NOPCHAP1: variants seen among roughly 807,000 people sequenced by gnomAD.
NOPCHAP1 encodes the protein DNA damage-sensitive RNA 1.
A neutral mutation model predicts 14.0 loss-of-function variants in NOPCHAP1; 13 were observed. The ratio of observed to expected loss-of-function variants is 0.93; its 90% CI spans 0.60 to 1.47. The LOEUF is 1.47. Ranked by LOEUF, NOPCHAP1 falls within the 40% of genes most tolerant of loss-of-function variation. NOPCHAP1 has a pLI of 0.00. For synonymous variants in NOPCHAP1, 78 were observed against 78.4 expected (o/e 1.00, Z 0.03); for missense variants, 230 against 226.9 (o/e 1.01, Z -0.09).
intron 3 of NOPCHAP1, among the ~76,000 whole-genome samples, chr12:104,992,745 G>A (rs764435246): frequency 2.0e-5 from 3 of 152,268 alleles, no homozygotes; most frequent in Non-Finnish European, 2.9e-5. Flanking sequence ...CAAAAGGAGC[G>A]TGAACCCTAT....
rs1042295255 is a variant in NOPCHAP1 at position 105,009,320 on chromosome 12, A to G, written c.*14624A>G. 2.0e-5 allele frequency: 3 copies of G among 152,184 alleles called. No individual in the cohort carries two copies. The highest frequency in any genetic ancestry group is 7.2e-5 in the African/African-American group (3 of 41,442). 9.4% of individuals were successfully genotyped at this position (152,184 alleles called of 1,614,324 possible). ...GTGATTTTTTGCACATTGATTTTGT[A>G]TCCTGAGACTTTTGCTGAAATTGCT... On this transcript the variant is annotated 3_prime_UTR_variant, in exon 4 of 4. Coordinates refer to ENST00000552951, the MANE Select transcript of NOPCHAP1 (RefSeq NM_152318.3).
chr12:104,986,328 C>T lies in NOPCHAP1; in HGVS notation c.-25C>T, dbSNP rs1334667761. On this transcript the variant is annotated 5_prime_UTR_variant, in exon 1 of 4. Transcript: ENST00000552951. ...CCGAGCCTTTTTCCTGCATCCGGGC[C>T]TGAGAGTGCAGGCTTGAGGGAAGCA... is the stretch of plus-strand genomic sequence containing the variant. 15 of 1,582,044 alleles carry T rather than the reference C, an allele frequency of 9.5e-6. No homozygotes were observed. The highest frequency in any genetic ancestry group is 1.3e-5 in the African/African-American group (1 of 74,140).
Position 105,010,165 on chromosome 12 carries a change from AT to A in NOPCHAP1, c.*15471del, listed in dbSNP as rs1873787357. ...GAACTTGTTATTGGTCTATTCAGGGATTCAACGTTTTCCTGGTTTAATCTTG... is the reference window on the plus strand; with the variant it reads ...GAACTTGTTATTGGTCTATTCAGGGATCAACGTTTTCCTGGTTTAATCTTG... On this transcript the variant is annotated 3_prime_UTR_variant, in exon 4 of 4. Coordinates refer to ENST00000552951, the MANE Select transcript of NOPCHAP1 (RefSeq NM_152318.3). 6.6e-6 allele frequency: 1 copy of A among 152,100 alleles called. No homozygotes were observed. Among genetic ancestry groups the A allele is most frequent in the Non-Finnish European group, 1.5e-5 (1 of 68,022 alleles). The allele number at this position is 152,100 out of a possible 1,614,324, so 9.4% of individuals were successfully genotyped here. A position where few individuals can be genotyped will look rare whatever the true frequency, so the allele number is the denominator to read the frequency against.
intron 1 of NOPCHAP1, among the ~76,000 whole-genome samples, chr12:104,987,047 C>T (rs1278958742): frequency 6.6e-6 from 1 of 152,174 alleles, no homozygotes; most frequent in Non-Finnish European, 1.5e-5. Flanking sequence ...TATTTTCATT[C>T]CCTAAGCCTC....
intron 1 of NOPCHAP1, among the ~76,000 whole-genome samples, chr12:104,986,945 A>G (rs1043289027): frequency 6.6e-5 from 10 of 152,166 alleles, no homozygotes; most frequent in African/African-American, 2.4e-4. Context: ...CATCCAGGAA[A>G]TCCACACAGC....
chr12:105,006,654 T>C lies in NOPCHAP1; in HGVS notation c.*11958T>C, dbSNP rs1873715637. On this transcript the variant is annotated 3_prime_UTR_variant, in exon 4 of 4. Transcript: ENST00000552951. Reference sequence around the variant, plus strand: ...CCAGGCTCAGGGGTTAGCAGCCTTATAGATAAGGGCAGTCCTGATCATAAA... The same window carrying C: ...CCAGGCTCAGGGGTTAGCAGCCTTACAGATAAGGGCAGTCCTGATCATAAA... The C allele has an allele frequency of 6.6e-6, 1 of 152,234 alleles. No individual in the cohort carries two copies. The highest frequency in any genetic ancestry group is 1.5e-5 in the Non-Finnish European group (1 of 68,054). 9.4% of individuals were successfully genotyped at this position (152,234 alleles called of 1,614,324 possible).
chr12:104,994,340 C>G lies in NOPCHAP1; in HGVS notation c.340-138C>G, dbSNP rs996055525. 5.1e-6 allele frequency: 4 copies of G among 787,464 alleles called. No individual in the cohort carries two copies. The African/African-American group carries it at 5.1e-5, about 10-fold the overall frequency. The allele number at this position is 787,464 out of a possible 1,614,324, so 48.8% of individuals were successfully genotyped here. A position where few individuals can be genotyped will look rare whatever the true frequency, so the allele number is the denominator to read the frequency against. On this transcript the variant is annotated intron_variant, in intron 3 of 3. Transcript: ENST00000552951. ...CCAGTCTGGGCAGCAGAGCAAGACT[C>G]TGTCTCCAAAAAAAACCAAATTCTT...
chr12:105,000,041 A>G lies in NOPCHAP1; in HGVS notation c.*5345A>G, dbSNP rs1399426175. On this transcript the variant is annotated 3_prime_UTR_variant, in exon 4 of 4. Transcript: ENST00000552951. ...CTTGCCTCCAACCTGTTCCCTTTAT[A>G]GCATAATGTGTATAACCACATTTAG... is the stretch of plus-strand genomic sequence containing the variant. The G allele has an allele frequency of 6.6e-6, 1 of 152,146 alleles. No homozygotes were observed. Among genetic ancestry groups the G allele is most frequent in the Non-Finnish European group, 1.5e-5 (1 of 68,034 alleles). The allele number at this position is 152,146 out of a possible 1,614,324, so 9.4% of individuals were successfully genotyped here. A position where few individuals can be genotyped will look rare whatever the true frequency, so the allele number is the denominator to read the frequency against.
In NOPCHAP1 at chr12:105,008,897, A is replaced by G. The variant is rs1461412419; in HGVS notation, c.*14201A>G. On this transcript the variant is annotated 3_prime_UTR_variant, in exon 4 of 4. Coordinates refer to ENST00000552951, the MANE Select transcript of NOPCHAP1 (RefSeq NM_152318.3). ...TTTGGTTACTATAGCCTTGTAGTAT[A>G]GTTTGAAGTCAGGTAGCGTGATTCC... 6.6e-6 allele frequency: 1 copy of G among 152,178 alleles called. No homozygotes were observed. The highest frequency in any genetic ancestry group is 1.5e-5 in the Non-Finnish European group (1 of 68,040). The allele number at this position is 152,178 out of a possible 1,614,324, so 9.4% of individuals were successfully genotyped here. A position where few individuals can be genotyped will look rare whatever the true frequency, so the allele number is the denominator to read the frequency against.
intron 1 of NOPCHAP1, 100 bp from the exon 2 acceptor site, chr12:104,988,067 C>T (rs1029795432): frequency 9.5e-6 from 8 of 845,234 alleles, no homozygotes; most frequent in Non-Finnish European, 1.5e-5. Flanking sequence ...GGAGTGTGGA[C>T]AGTCAAGTCT....
At chr12:104,993,951 C>T (rs750893945) in intron 3 of NOPCHAP1, among the ~76,000 whole-genome samples, 10 of 151,920 alleles carry the variant, frequency 6.6e-5, no homozygotes, top group Non-Finnish European at 7.4e-5. Context: ...AGAATTGGGC[C>T]GTAGCAGATA....
rs576377293 is a variant in NOPCHAP1, at chr12:105,017,214, A to G, written c.*22518A>G. The G allele has an allele frequency of 6.6e-6, 1 of 152,362 alleles. No homozygotes were observed. The highest frequency in any genetic ancestry group is 2.1e-4 in the South Asian group (1 of 4,824). The allele number at this position is 152,362 out of a possible 1,614,324, so 9.4% of individuals were successfully genotyped here. A position where few individuals can be genotyped will look rare whatever the true frequency, so the allele number is the denominator to read the frequency against. Reference sequence around the variant, plus strand: ...CCATGACCGTGATAAGAAATGTAAGAAAAGGCCAGGCATGGTGGCTCACAC... The same window carrying G: ...CCATGACCGTGATAAGAAATGTAAGGAAAGGCCAGGCATGGTGGCTCACAC... On this transcript the variant is annotated 3_prime_UTR_variant, in exon 4 of 4. Coordinates refer to ENST00000552951, the MANE Select transcript of NOPCHAP1 (RefSeq NM_152318.3).
rs1283003969 is a variant in NOPCHAP1, at chr12:104,988,245, G to A, written c.194G>A (p.Arg65Lys). 2.5e-6 allele frequency: 4 copies of A among 1,609,990 alleles called. No individual in the cohort carries two copies. Among genetic ancestry groups the A allele is most frequent in the Non-Finnish European group, 2.5e-6 (3 of 1,177,084 alleles). ...ACTCTTCAAACAGTTCGGATAGAGA[G>A]GAGTCCCTGTAAGTACCTCTTCCCC... is the stretch of plus-strand genomic sequence containing the variant. ...TSTLQTVRIE[R>K]SPLLDQVQTF... The change falls in exon 2 of 4, where the codon AGG (arginine) becomes AAG (lysine). Residue 65 changes from arginine (R) to lysine (K), a missense_variant. By Grantham distance (26) the Arg-to-Lys change is conservative. Coordinates refer to ENST00000552951, the MANE Select transcript of NOPCHAP1 (RefSeq NM_152318.3).
rs1369187264 is a variant in NOPCHAP1, at chr12:105,017,091, T to A, written c.*22395T>A. ...AAGCAAAAATCTCATTCTGAATAAATCTCCCATCTGTTCCAATAACATTTT... is the reference window on the plus strand; with the variant it reads ...AAGCAAAAATCTCATTCTGAATAAAACTCCCATCTGTTCCAATAACATTTT... On this transcript the variant is annotated 3_prime_UTR_variant, in exon 4 of 4. Transcript: ENST00000552951. 6.6e-6 allele frequency: 1 copy of A among 152,166 alleles called. No homozygotes were observed. The highest frequency in any genetic ancestry group is 6.5e-5 in the Admixed American group (1 of 15,274). 9.4% of individuals were successfully genotyped at this position (152,166 alleles called of 1,614,324 possible).
rs200682183 is a variant in NOPCHAP1 at position 104,994,455 on chromosome 12, T to A, written c.340-23T>A. 2.2e-3 allele frequency: 3,441 copies of A among 1,599,978 alleles called. 15 individuals are homozygous for A. The highest frequency in any genetic ancestry group is 2.5e-3 in the Non-Finnish European group (2,951 of 1,167,190). On this transcript the variant is annotated intron_variant, in intron 3 of 3. Transcript: ENST00000552951. ...TTTAAGGAACTGCTCTGAAATAGAT[T>A]TCCTGTCCACTACTTTTTGCAGGAT... is the stretch of plus-strand genomic sequence containing the variant.
rs1261439934 is a variant in NOPCHAP1, at chr12:105,012,919, C to G, written c.*18223C>G. On this transcript the variant is annotated 3_prime_UTR_variant, in exon 4 of 4. Coordinates refer to ENST00000552951, the MANE Select transcript of NOPCHAP1 (RefSeq NM_152318.3). ...GAGATCTCCTGTGTGAGGTTTCTGT[C>G]AACCTCTGCTGGGAGGTGTCTCCCA... 1 of 152,324 alleles carries G rather than the reference C, an allele frequency of 6.6e-6. No homozygotes were observed. Among genetic ancestry groups the G allele is most frequent in the Admixed American group, 6.5e-5 (1 of 15,288 alleles). The allele number at this position is 152,324 out of a possible 1,614,324, so 9.4% of individuals were successfully genotyped here.
In NOPCHAP1 at chr12:105,012,273, G is replaced by A. The variant is rs980963911; in HGVS notation, c.*17577G>A. 19 of 152,046 alleles carry A rather than the reference G, an allele frequency of 1.2e-4. No individual in the cohort carries two copies. The highest frequency in any genetic ancestry group is 9.6e-4 in the East Asian group (5 of 5,192). 9.4% of individuals were successfully genotyped at this position (152,046 alleles called of 1,614,324 possible). On this transcript the variant is annotated 3_prime_UTR_variant, in exon 4 of 4. Coordinates refer to ENST00000552951, the MANE Select transcript of NOPCHAP1 (RefSeq NM_152318.3). ...CTGATATCCTTTCTCCCACTTGATC[G>A]ATTAGGCCATTGATACTTGTGTATG...
chr12:104,992,345 A>G (rs1046930788), intron 3 of NOPCHAP1, among the ~76,000 whole-genome samples: 3 of 152,224 alleles, frequency 2.0e-5, no homozygotes, highest in African/African-American at 7.2e-5. Flanking sequence ...TCCCTCCAGA[A>G]TAGATCCCAA....
At position 105,015,651 on chromosome 12, in the gene NOPCHAP1, A is replaced by G. The variant is rs1259466597; in HGVS notation, c.*20955A>G. The G allele has an allele frequency of 6.6e-6, 1 of 152,322 alleles. No individual in the cohort carries two copies. The highest frequency in any genetic ancestry group is 1.9e-4 in the East Asian group (1 of 5,194). 9.4% of individuals were successfully genotyped at this position (152,322 alleles called of 1,614,324 possible). On this transcript the variant is annotated 3_prime_UTR_variant, in exon 4 of 4. Coordinates refer to ENST00000552951, the MANE Select transcript of NOPCHAP1 (RefSeq NM_152318.3). ...TTTGTCCTGCTTATGCACGCTGTAT[A>G]TGTTACCCACCGTTTAGTCACTTAG... is the stretch of plus-strand genomic sequence containing the variant.
Sources: allele counts gnomAD v4.1 joint callset (sites outside exome capture counted in the v4.1 genomes callset), GRCh38; gene constraint gnomAD v4.1.1; transcripts MANE v1.5; gene names NCBI Gene and HGNC (gene_info 2026-07-23, HGNC 2026-07-21).